Variants in ARHGEF33 observed in about 807,000 individuals in gnomAD.
ARHGEF33 encodes the protein DH and coiled-coil domain-containing protein ENSP00000381780.
In ARHGEF33, 72 loss-of-function variants were observed where a neutral mutation model predicts 101.9. That is an observed-to-expected ratio of 0.71 (90% CI 0.58 to 0.86). The LOEUF (loss-of-function observed/expected upper bound fraction) is 0.86, where lower values mean the gene tolerates loss of function less well. Ranked by LOEUF, ARHGEF33 falls within the 40% of genes least tolerant of loss-of-function variation. The probability of loss-of-function intolerance (pLI) is 0.00; values close to 1 mark genes in which losing one functional copy is unlikely to be tolerated. For synonymous variants in ARHGEF33, 499 were observed against 442.5 expected (o/e 1.13, Z -1.60); for missense variants, 1,169 against 1,111.3 (o/e 1.05, Z -0.74).
chr2:38,959,609 C>A, intron 15 of ARHGEF33: 1 of 474,888 alleles, frequency 2.1e-6, no homozygotes, highest in Non-Finnish European at 3.7e-6. Flanking sequence ...GCCCGCAGGC[C>A]ATTTCCCAGA....
intron 9 of ARHGEF33, among the ~76,000 whole-genome samples, chr2:38,941,630 C>T (rs1413193020): frequency 2.0e-5 from 3 of 151,948 alleles, no homozygotes; most frequent in East Asian, 3.9e-4. Context: ...CCACTGCAAC[C>T]TCTGGCTGCC....
chr2:38,920,500 C>T (rs545479037), intron 3 of ARHGEF33, among the ~76,000 whole-genome samples: 4 of 145,090 alleles, frequency 2.8e-5, no homozygotes, highest in East Asian at 2.2e-4. Flanking sequence ...CTCTGCCTCC[C>T]GGGTTCAAGC....
At chr2:38,940,847 G>T (rs1009874478) in intron 9 of ARHGEF33, among the ~76,000 whole-genome samples, 3 of 152,130 alleles carry the variant, frequency 2.0e-5, no homozygotes, top group African/African-American at 7.2e-5. Flanking sequence ...AGGATAATTT[G>T]GTGGGCAGGG....
At chr2:38,968,896 C>T (rs1439419318) in intron 17 of ARHGEF33, among the ~76,000 whole-genome samples, 2 of 152,096 alleles carry the variant, frequency 1.3e-5, no homozygotes, top group Admixed American at 6.5e-5. Flanking sequence ...GTAGCGTTTT[C>T]TGAGTGTTTT....
chr2:38,892,127 A>G (rs954114742), intron 1 of ARHGEF33, among the ~76,000 whole-genome samples: 2 of 152,158 alleles, frequency 1.3e-5, no homozygotes, highest in African/African-American at 2.4e-5. Flanking sequence ...CATTTGAGGA[A>G]ATCTCTAGAA....
At chr2:38,915,269 T>C (rs992372768) in intron 2 of ARHGEF33, among the ~76,000 whole-genome samples, 1 of 151,968 alleles carries the variant, frequency 6.6e-6, no homozygotes, top group Non-Finnish European at 1.5e-5. Flanking sequence ...AGAGAAAAAA[T>C]ATTAACAGGC....
At chr2:38,942,261 G>A (rs943604180) in intron 9 of ARHGEF33, among the ~76,000 whole-genome samples, 5 of 147,636 alleles carry the variant, frequency 3.4e-5, no homozygotes, top group African/African-American at 7.5e-5. Context: ...TCTGCCTCCC[G>A]GGTTCAAACT....
chr2:38,928,312 T>G (rs1448260546), intron 4 of ARHGEF33, among the ~76,000 whole-genome samples: 1 of 152,186 alleles, frequency 6.6e-6, no homozygotes, highest in Non-Finnish European at 1.5e-5. Flanking sequence ...ACCAGATATT[T>G]CTTTGCCTTC....
chr2:38,904,690 G>A (rs111537596), intron 2 of ARHGEF33, among the ~76,000 whole-genome samples: 4,430 of 135,176 alleles, frequency 0.033, 128 homozygotes, highest in African/African-American at 0.08. Context: ...CCAGGGAGAC[G>A]GAGCGAGACT....
At chr2:38,961,227 A>T (rs1353439706) in intron 16 of ARHGEF33, among the ~76,000 whole-genome samples, 1 of 152,138 alleles carries the variant, frequency 6.6e-6, no homozygotes, top group Non-Finnish European at 1.5e-5. Flanking sequence ...AGCCAGCTTT[A>T]TTTCTGCTTG....
intron 4 of ARHGEF33, among the ~76,000 whole-genome samples, chr2:38,922,292 C>T (rs1423713502): frequency 2.0e-5 from 3 of 152,074 alleles, no homozygotes; most frequent in Non-Finnish European, 4.4e-5. Context: ...AGAAAGGATG[C>T]TTTCAAAGTT....
chr2:38,945,725 A>T (rs1425941608), intron 10 of ARHGEF33, among the ~76,000 whole-genome samples: 1 of 152,224 alleles, frequency 6.6e-6, no homozygotes, highest in Non-Finnish European at 1.5e-5. Flanking sequence ...TAGTCTGAAA[A>T]TCTGGGGAGG....
intron 2 of ARHGEF33, among the ~76,000 whole-genome samples, chr2:38,913,144 C>G (rs1666551028): frequency 1.3e-5 from 2 of 151,898 alleles, no homozygotes. Context: ...TCAAATGATC[C>G]TTCCGCCACA....
chr2:38,956,954 G>T lies in ARHGEF33; in HGVS notation c.1277G>T (p.Cys426Phe). ...EHPDYYLLLV[C>F]VQRLRVFISH... ...CCTGACTATTATCTACTACTGGTGT[G>T]TGTCCAGCGCCTCCGAGTATTTATC... The change falls in exon 14 of 18, where the codon TGT becomes TTT. Residue 426 changes from cysteine (C) to phenylalanine (F), a missense_variant. By Grantham distance (205) the Cys-to-Phe change is radical. Coordinates refer to ENST00000409978, the MANE Select transcript of ARHGEF33 (RefSeq NM_001145451.5). The T allele has an allele frequency of 6.4e-7, 1 of 1,552,376 alleles. No individual in the cohort carries two copies. Among genetic ancestry groups the T allele is most frequent in the Non-Finnish European group, 8.7e-7 (1 of 1,147,142 alleles).
intron 1 of ARHGEF33, among the ~76,000 whole-genome samples, chr2:38,895,563 C>T: frequency 6.6e-6 from 1 of 152,098 alleles, no homozygotes; most frequent in East Asian, 1.9e-4. Flanking sequence ...ATTGTACTTG[C>T]TCAATACCAA....
intron 9 of ARHGEF33, among the ~76,000 whole-genome samples, chr2:38,941,813 G>C (rs1477233712): frequency 2.0e-5 from 3 of 152,058 alleles, no homozygotes; most frequent in Non-Finnish European, 4.4e-5. Flanking sequence ...CCAAAGTGCT[G>C]GGATTACAGG....
chr2:38,892,486 A>G (rs1479415354), intron 1 of ARHGEF33, among the ~76,000 whole-genome samples: 2 of 152,154 alleles, frequency 1.3e-5, no homozygotes, highest in Admixed American at 6.5e-5. Flanking sequence ...CGGGCAAAGG[A>G]TGAACAATGG....
intron 2 of ARHGEF33, among the ~76,000 whole-genome samples, chr2:38,915,512 C>T (rs1018838450): frequency 1.3e-5 from 2 of 150,236 alleles, no homozygotes; most frequent in Non-Finnish European, 2.9e-5. Context: ...GCTGGGATTA[C>T]AAGGCGTGTG....
At chr2:38,960,671 C>G (rs1034260762) in intron 16 of ARHGEF33, 23 bp downstream of exon 16, 16 of 1,376,022 alleles carry the variant, frequency 1.2e-5, no homozygotes, top group South Asian at 5.3e-5. Context: ...CGAACCGAAA[C>G]CCACAGCGTC....
Sources: gnomAD v4.1 joint callset for allele counts (sites outside exome capture counted in the v4.1 genomes callset) on GRCh38, gnomAD v4.1.1 for gene constraint, MANE v1.5 for transcripts, NCBI Gene and HGNC (gene_info 2026-07-23, HGNC 2026-07-21) for gene names.